The following PACRGL variants were observed in gnomAD, a reference collection of about 807,000 sequenced individuals.
PACRGL encodes the protein parkin coregulated like, also known as PACRG-like protein.
In PACRGL, 38 loss-of-function variants were observed where a neutral mutation model predicts 34.5. The ratio of observed to expected loss-of-function variants is 1.10; its 90% CI spans 0.85 to 1.44. PACRGL has a LOEUF of 1.44. Among genes scored for constraint, PACRGL ranks in the 40% most tolerant of loss-of-function variants. The probability of loss-of-function intolerance (pLI) is 0.00; values close to 1 mark genes in which losing one functional copy is unlikely to be tolerated. For missense variants in PACRGL, 305 were observed against 281.4 expected (o/e 1.08, Z -0.60); for synonymous variants, 128 against 100.1 (o/e 1.28, Z -1.66).
rs2149224389 is a variant in PACRGL, at chr4:20,728,313, A to G, written c.*972A>G. On this transcript the variant is annotated 3_prime_UTR_variant, in exon 9 of 9. Coordinates refer to ENST00000503585, the MANE Select transcript of PACRGL (RefSeq NM_001258345.3). ...TCATAGCCAGAAAATACTGATGTTC[A>G]CTTAAAGATATTCAGCAATTAAAAT... The G allele has an allele frequency of 6.6e-6, 1 of 152,318 alleles. No homozygotes were observed. Among genetic ancestry groups the G allele is most frequent in the Admixed American group, 6.5e-5 (1 of 15,284 alleles). The allele number at this position is 152,318 out of a possible 1,614,324, so 9.4% of individuals were successfully genotyped here.
In PACRGL at chr4:20,732,093, G is replaced by A; in HGVS notation, c.*4752G>A. 6.9e-7 allele frequency: 1 copy of A among 1,459,006 alleles called. No homozygotes were observed. The highest frequency in any genetic ancestry group is 9.6e-7 in the Non-Finnish European group (1 of 1,042,472). 90.4% of individuals were successfully genotyped at this position (1,459,006 alleles called of 1,614,324 possible). A position where few individuals can be genotyped will look rare whatever the true frequency, so the allele number is the denominator to read the frequency against. ...TCTGTTCAGGAAGAAAACAAAAATTGTATTTAGACTTATCCCTTAATACCC... is the reference window on the plus strand; with the variant it reads ...TCTGTTCAGGAAGAAAACAAAAATTATATTTAGACTTATCCCTTAATACCC... On this transcript the variant is annotated 3_prime_UTR_variant, in exon 9 of 9. Coordinates refer to ENST00000503585, the MANE Select transcript of PACRGL (RefSeq NM_001258345.3).
At chr4:20,724,497 C>G (rs569308650) in intron 7 of PACRGL, among the ~76,000 whole-genome samples, 1 of 152,176 alleles carries the variant, frequency 6.6e-6, no homozygotes, top group Non-Finnish European at 1.5e-5. Flanking sequence ...TTTAGAGGCA[C>G]AGCTTTCCAT....
intron 8 of PACRGL, among the ~76,000 whole-genome samples, chr4:20,748,975 T>C (rs1436806257): frequency 6.6e-6 from 1 of 151,314 alleles, no homozygotes; most frequent in East Asian, 1.9e-4. Context: ...TAGGTGTTTA[T>C]ACACAGTAGT....
intron 7 of PACRGL, among the ~76,000 whole-genome samples, chr4:20,720,271 G>A (rs575624970): frequency 1.5e-4 from 23 of 152,222 alleles, no homozygotes; most frequent in Admixed American, 3.9e-4. Flanking sequence ...GATGGGTCTC[G>A]ACTCTTTATC....
chr4:20,705,667 G>A (rs564825904), intron 3 of PACRGL, among the ~76,000 whole-genome samples: 5 of 151,830 alleles, frequency 3.3e-5, no homozygotes, highest in African/African-American at 7.3e-5. Context: ...TTACGGTGAC[G>A]CTTCAATTTT....
At chr4:20,703,477 AGTGTGTGTGTGT>A (rs34932810) in intron 1 of PACRGL, among the ~76,000 whole-genome samples, 56 of 141,554 alleles carry the variant, frequency 4.0e-4, no homozygotes, top group African/African-American at 8.4e-4. Flanking sequence ...TGGGTATATG[AGTGTGTGTGTGT>A]GTGTGTGTGT....
At chr4:20,763,420 C>T in the PACRGL span, among the ~76,000 whole-genome samples, 3 of 152,078 alleles carry the variant, frequency 2.0e-5, no homozygotes, top group African/African-American at 4.8e-5. Flanking sequence ...TAACATATGG[C>T]GCCAACAGTC....
intron 7 of PACRGL, among the ~76,000 whole-genome samples, chr4:20,719,814 G>T (rs1430932480): frequency 6.6e-6 from 1 of 151,956 alleles, no homozygotes; most frequent in Non-Finnish European, 1.5e-5. Flanking sequence ...CTGTTGATTT[G>T]GGGTGGAGAG....
intron 7 of PACRGL, among the ~76,000 whole-genome samples, chr4:20,715,463 C>A (rs1178562965): frequency 6.6e-6 from 1 of 152,014 alleles, no homozygotes; most frequent in Non-Finnish European, 1.5e-5. Flanking sequence ...AAAATCTCAT[C>A]ATCCTTAGCA....
chr4:20,756,199 C>A (rs534085770), downstream of PACRGL, among the ~76,000 whole-genome samples: 1 of 151,280 alleles, frequency 6.6e-6, no homozygotes, highest in East Asian at 1.9e-4. Flanking sequence ...TTGGCAAGGT[C>A]AATGGCAAAG....
At position 20,727,376 on chromosome 4, in the gene PACRGL, G is replaced by C; in HGVS notation, c.*35G>C. On this transcript the variant is annotated 3_prime_UTR_variant, in exon 9 of 9. Coordinates refer to ENST00000503585, the MANE Select transcript of PACRGL (RefSeq NM_001258345.3). ...CCAACAAAAATTGTTTTTTCTACCT[G>C]TTGACGTGTCAAGCACTAACTGTGG... The C allele has an allele frequency of 6.5e-7, 1 of 1,532,042 alleles. No individual in the cohort carries two copies. Among genetic ancestry groups the C allele is most frequent in the Non-Finnish European group, 9.0e-7 (1 of 1,106,052 alleles). The allele number at this position is 1,532,042 out of a possible 1,614,324, so 94.9% of individuals were successfully genotyped here.
chr4:20,749,818 C>T, intron 8 of PACRGL: 3 of 814,278 alleles, frequency 3.7e-6, no homozygotes, highest in Non-Finnish European at 5.9e-6. Flanking sequence ...TTCCTTTGAT[C>T]CAGAAGAATT....
chr4:20,707,771 G>T, intron 3 of PACRGL, 32 bp from the exon 4 acceptor site: 1 of 1,582,792 alleles, frequency 6.3e-7, no homozygotes. Flanking sequence ...CAGAAGTATA[G>T]GTGATAGTAA....
At chr4:20,748,880 GTATGTGTGTGTGTGTATATA>G (rs1214925643) in intron 8 of PACRGL, among the ~76,000 whole-genome samples, 2 of 97,958 alleles carry the variant, frequency 2.0e-5, no homozygotes, top group Non-Finnish European at 4.4e-5. Flanking sequence ...GTGTGTGTGT[GTATGTGTGTGTGTGTATATA>G]TATATATATA....
At position 20,730,152 on chromosome 4, in the gene PACRGL, G is replaced by GATTAAATTCA. The variant is rs776257365; in HGVS notation, c.*2812_*2821dup. On this transcript the variant is annotated 3_prime_UTR_variant, in exon 9 of 9. Transcript: ENST00000503585. Reference sequence around the variant, plus strand: ...ATCCTGTAAGGGAGAAACACAGAGCGATTAAATTCAGCATATCTGCAAGGA... The same window carrying GATTAAATTCA: ...ATCCTGTAAGGGAGAAACACAGAGCGATTAAATTCAATTAAATTCAGCATATCTGCAAGGA... 7.5e-6 allele frequency: 12 copies of GATTAAATTCA among 1,590,132 alleles called. No individual in the cohort carries two copies. Among genetic ancestry groups the GATTAAATTCA allele is most frequent in the Middle Eastern group, 1.7e-4 (1 of 5,988 alleles).
At chr4:20,760,668 G>A in the PACRGL span, among the ~76,000 whole-genome samples, 1 of 152,150 alleles carries the variant, frequency 6.6e-6, no homozygotes, top group South Asian at 2.1e-4. Flanking sequence ...CAGAACTGGA[G>A]GTGCTGAGTG....
chr4:20,732,009 T>C lies in PACRGL; in HGVS notation c.*4668T>C. The C allele has an allele frequency of 6.2e-7, 1 of 1,613,544 alleles. No homozygotes were observed. Among genetic ancestry groups the C allele is most frequent in the Non-Finnish European group, 8.5e-7 (1 of 1,179,798 alleles). On this transcript the variant is annotated 3_prime_UTR_variant, in exon 9 of 9. Coordinates refer to ENST00000503585, the MANE Select transcript of PACRGL (RefSeq NM_001258345.3). ...TTATTACACTTTCATTACTTACTTT[T>C]TGGCAGCTTTCAATGAACTCATCTA...
chr4:20,741,329 C>T (rs1299223054), intron 8 of PACRGL, among the ~76,000 whole-genome samples: 1 of 152,212 alleles, frequency 6.6e-6, no homozygotes, highest in Non-Finnish European at 1.5e-5. Context: ...AAGTAAAGCA[C>T]TCCTCAGCAA....
At chr4:20,758,290 G>A in the PACRGL span, among the ~76,000 whole-genome samples, 1 of 152,104 alleles carries the variant, frequency 6.6e-6, no homozygotes, top group Non-Finnish European at 1.5e-5. Context: ...AGATGAGGGA[G>A]CACAGTAAAG....
Sources: gnomAD v4.1 joint callset for allele counts (sites outside exome capture counted in the v4.1 genomes callset) on GRCh38, gnomAD v4.1.1 for gene constraint, MANE v1.5 for transcripts, NCBI Gene and HGNC (gene_info 2026-07-23, HGNC 2026-07-21) for gene names.